Variants in GLIS3 observed in about 807,000 individuals in gnomAD.
GLIS3 encodes the protein GLIS family zinc finger 3, also known as zinc finger protein GLIS3.
A neutral mutation model predicts 78.6 loss-of-function variants in GLIS3; 53 were observed. That is an observed-to-expected ratio of 0.67 (90% CI 0.54 to 0.85). The LOEUF (loss-of-function observed/expected upper bound fraction) is 0.85. Among genes scored for constraint, GLIS3 ranks in the 40% least tolerant of loss-of-function variants. The probability of loss-of-function intolerance (pLI) is 0.00; values close to 1 mark genes in which losing one functional copy is unlikely to be tolerated. For synonymous variants in GLIS3, 684 were observed against 509.9 expected, an observed-to-expected ratio of 1.34 and a Z score of -4.60; for missense variants, 1,703 against 1,231.1, an observed-to-expected ratio of 1.38 and a Z score of -5.74.
At chr9:3,842,768 G>A (rs1374148023) in intron 9 of GLIS3, among the ~76,000 whole-genome samples, 1 of 152,228 alleles carries the variant, frequency 6.6e-6, no homozygotes, top group Non-Finnish European at 1.5e-5. Flanking sequence ...GAGGCTCTAA[G>A]AGAACATCTT....
chr9:3,905,164 C>CTTTTTTTTT (rs1563834122), intron 6 of GLIS3, among the ~76,000 whole-genome samples: 3 of 133,356 alleles, frequency 2.2e-5, no homozygotes, highest in Non-Finnish European at 1.6e-5. Context: ...TTTTTTTTTG[C>CTTTTTTTTT]TATTTTTAGT....
chr9:4,380,609 G>A, the GLIS3 span, among the ~76,000 whole-genome samples: 1 of 152,198 alleles, frequency 6.6e-6, no homozygotes, highest in Non-Finnish European at 1.5e-5. Context: ...GAGTCAATAG[G>A]ACTGAAGTTG....
chr9:4,357,339 A>G, the GLIS3 span, among the ~76,000 whole-genome samples: 3 of 152,188 alleles, frequency 2.0e-5, no homozygotes, highest in Non-Finnish European at 4.4e-5. Flanking sequence ...GGAAGCTTTA[A>G]TAGAACCACA....
chr9:4,319,552 C>A (rs1272132236), intron 2 of GLIS3, among the ~76,000 whole-genome samples: 2 of 150,432 alleles, frequency 1.3e-5, no homozygotes, highest in Non-Finnish European at 3.0e-5. Flanking sequence ...TTTCTAGAAA[C>A]AGGTTCTTCC....
chr9:3,987,386 G>C (rs571117872), intron 4 of GLIS3, among the ~76,000 whole-genome samples: 3 of 151,988 alleles, frequency 2.0e-5, no homozygotes, highest in Non-Finnish European at 4.4e-5. Context: ...AGAAGAAAGA[G>C]AGTAGAACCG....
chr9:3,834,071 A>T (rs1219040605), intron 9 of GLIS3, among the ~76,000 whole-genome samples: 2 of 152,230 alleles, frequency 1.3e-5, no homozygotes, highest in Non-Finnish European at 2.9e-5. Context: ...AACGTTTTAT[A>T]CATTTATCTT....
intron 2 of GLIS3, among the ~76,000 whole-genome samples, chr9:4,279,562 T>C (rs1488137062): frequency 2.0e-5 from 3 of 151,964 alleles, no homozygotes; most frequent in South Asian, 2.1e-4. Flanking sequence ...AAATAATGTA[T>C]TGTGAAAACC....
chr9:4,255,703 T>A (rs996606478), intron 2 of GLIS3, among the ~76,000 whole-genome samples: 1 of 152,038 alleles, frequency 6.6e-6, no homozygotes, highest in Non-Finnish European at 1.5e-5. Context: ...TGCCAAGAGC[T>A]AGGGGAAAGG....
At chr9:4,476,035 C>T in the GLIS3 span, among the ~76,000 whole-genome samples, 1 of 152,058 alleles carries the variant, frequency 6.6e-6, no homozygotes, top group Admixed American at 6.5e-5. Context: ...AGATGTGAGC[C>T]AACATGCCTG....
chr9:3,829,616 C>T, intron 9 of GLIS3, 124 bp from the exon 10 acceptor site: 1 of 888,306 alleles, frequency 1.1e-6, no homozygotes, highest in Non-Finnish European at 1.8e-6. Context: ...CTCTTAAGGC[C>T]ACCTGTAGAA....
Position 4,125,806 on chromosome 9 carries a change from C to T in GLIS3, c.524G>A (p.Cys175Tyr), listed in dbSNP as rs1441603918. The change falls in exon 3 of 11, where the codon TGC (cysteine) becomes TAC (tyrosine). Residue 175 changes from cysteine (C) to tyrosine (Y), a missense_variant. Coordinates refer to ENST00000381971, the MANE Select transcript of GLIS3 (RefSeq NM_001042413.2). Reference sequence around the variant, plus strand: ...CTGTAAGCTAGGACTGATCTGGTTGCATGCTGTAGAGACCTGGCTTGCTGG... The same window carrying T: ...CTGTAAGCTAGGACTGATCTGGTTGTATGCTGTAGAGACCTGGCTTGCTGG... Reference protein sequence around the residue: ...SPPASQVSTACNQISPSLQRA... With the variant: ...SPPASQVSTAYNQISPSLQRA... 6.2e-7 allele frequency: 1 copy of T among 1,614,008 alleles called. No homozygotes were observed. Among genetic ancestry groups the T allele is most frequent in the African/African-American group, 1.3e-5 (1 of 74,916 alleles).
At chr9:4,201,995 C>T (rs1039724893) in intron 2 of GLIS3, among the ~76,000 whole-genome samples, 1 of 151,930 alleles carries the variant, frequency 6.6e-6, no homozygotes, top group African/African-American at 2.4e-5. Context: ...AAAAATTAGC[C>T]AGGTGTGGTG....
chr9:4,001,929 G>A (rs1821148867), intron 4 of GLIS3, among the ~76,000 whole-genome samples: 1 of 152,128 alleles, frequency 6.6e-6, no homozygotes. Flanking sequence ...CTGCCTGGGT[G>A]GTTCTCACTA....
the GLIS3 span, among the ~76,000 whole-genome samples, chr9:4,401,164 G>A: frequency 6.6e-6 from 1 of 152,294 alleles, no homozygotes; most frequent in African/African-American, 2.4e-5. Context: ...TATCTGTCCT[G>A]GGGCAGTGGA....
intron 7 of GLIS3, chr9:3,898,290 A>G: frequency 3.5e-6 from 1 of 288,732 alleles, no homozygotes; most frequent in Non-Finnish European, 6.8e-6. Flanking sequence ...TTCCTTAGAG[A>G]CCTGGGGCTT....
intron 1 of GLIS3, chr9:4,298,496 T>C: frequency 2.3e-6 from 1 of 441,246 alleles, no homozygotes; most frequent in Non-Finnish European, 4.6e-6. Context: ...AACTTGGAAC[T>C]GTCGCTCGGG....
chr9:4,388,737 T>G, the GLIS3 span, among the ~76,000 whole-genome samples: 1 of 152,016 alleles, frequency 6.6e-6, no homozygotes, highest in Admixed American at 6.6e-5. Context: ...GAATTCATAG[T>G]ACAATATAAA....
chr9:4,323,955 T>G (rs1025840921), intron 2 of GLIS3, among the ~76,000 whole-genome samples: 1 of 152,256 alleles, frequency 6.6e-6, no homozygotes, highest in African/African-American at 2.4e-5. Flanking sequence ...TTTAGCACCA[T>G]CGTCATTCTT....
At chr9:4,407,560 T>C in the GLIS3 span, among the ~76,000 whole-genome samples, 1 of 152,124 alleles carries the variant, frequency 6.6e-6, no homozygotes, top group African/African-American at 2.4e-5. Context: ...GGCAGGAGAA[T>C]GGCGAGAACC....
Sources: gnomAD v4.1 joint callset for allele counts (sites outside exome capture counted in the v4.1 genomes callset) on GRCh38, gnomAD v4.1.1 for gene constraint, MANE v1.5 for transcripts, NCBI Gene and HGNC (gene_info 2026-07-23, HGNC 2026-07-21) for gene names.